HM13: variants seen among roughly 807,000 people sequenced by gnomAD.
HM13 encodes signal peptide peptidase.
A neutral mutation model predicts 50.0 loss-of-function variants in HM13; 18 were observed. That is an observed-to-expected ratio of 0.36 (90% CI 0.25 to 0.53). HM13 has a LOEUF of 0.53. Ranked by LOEUF, HM13 falls within the 20% of genes least tolerant of loss-of-function variation. HM13 has a pLI of 0.90. For missense variants in HM13, 393 were observed against 552.4 expected, an observed-to-expected ratio of 0.71 and a Z score of 2.89; for synonymous variants, 197 against 232.6, an observed-to-expected ratio of 0.85 and a Z score of 1.39.
At position 31,514,849 on chromosome 20, in the gene HM13, G is replaced by C. The variant is rs1172206523; in HGVS notation, c.183+115G>C. Reference sequence around the variant, plus strand: ...CCGGACACTGACTCTTCCCAGCCCTGATCACCACCGTTCCCTCTGTCTCGG... The same window carrying C: ...CCGGACACTGACTCTTCCCAGCCCTCATCACCACCGTTCCCTCTGTCTCGG... On this transcript the variant is annotated intron_variant, in intron 1 of 12. Coordinates refer to ENST00000398174, the MANE Select transcript of HM13 (RefSeq NM_178581.3). This position sits in a 1 kb window ranked among gnomAD's most constrained non-coding sequence, Gnocchi z 4.3. 1.9e-6 allele frequency: 2 copies of C among 1,033,908 alleles called. No homozygotes were observed. Among genetic ancestry groups the C allele is most frequent in the African/African-American group, 3.3e-5 (2 of 59,710 alleles). The allele number at this position is 1,033,908 out of a possible 1,614,324, so 64.0% of individuals were successfully genotyped here.
At chr20:31,555,361 T>C (rs1036125860) in intron 8 of HM13, among the ~76,000 whole-genome samples, 2 of 152,250 alleles carry the variant, frequency 1.3e-5, no homozygotes, top group Non-Finnish European at 2.9e-5. Flanking sequence ...GCACACCTGC[T>C]TATCTGCAGA....
chr20:31,553,380 C>T (rs1173207283), intron 7 of HM13, among the ~76,000 whole-genome samples: 1 of 151,922 alleles, frequency 6.6e-6, no homozygotes, highest in Admixed American at 6.6e-5. Context: ...TCCTGATTGG[C>T]TTAGTCTTGC....
chr20:31,543,970 A>T (rs1227636765), intron 3 of HM13, among the ~76,000 whole-genome samples: 1 of 151,566 alleles, frequency 6.6e-6, no homozygotes, highest in Non-Finnish European at 1.5e-5. Context: ...TCCCTTTATC[A>T]CTGTGACCTG....
At chr20:31,568,981 G>C in intron 12 of HM13, 139 bp from the exon 13 acceptor site, 1 of 614,280 alleles carries the variant, frequency 1.6e-6, no homozygotes, top group Non-Finnish European at 2.9e-6. Context: ...GTTAGGTGCT[G>C]GGCAGTGGAC....
At chr20:31,532,078 A>G (rs1352840521) in intron 2 of HM13, among the ~76,000 whole-genome samples, 1 of 152,102 alleles carries the variant, frequency 6.6e-6, no homozygotes, top group African/African-American at 2.4e-5. Context: ...TGCACTAAAT[A>G]ACATTGGCTA....
intron 11 of HM13, among the ~76,000 whole-genome samples, chr20:31,567,480 T>C (rs972374804): frequency 6.6e-6 from 1 of 152,036 alleles, no homozygotes; most frequent in South Asian, 2.1e-4. Flanking sequence ...ACCCTGGACA[T>C]TCTTAGATTG....
chr20:31,545,267 T>G (rs1476555075), intron 4 of HM13, among the ~76,000 whole-genome samples: 1 of 152,198 alleles, frequency 6.6e-6, no homozygotes, highest in East Asian at 1.9e-4. Flanking sequence ...TTCCCATCTG[T>G]AAAATGAAAG....
chr20:31,551,469 C>T (rs1309085490), intron 7 of HM13, among the ~76,000 whole-genome samples: 1 of 152,230 alleles, frequency 6.6e-6, no homozygotes, highest in East Asian at 1.9e-4. Context: ...GTCTCCTGTG[C>T]AGTCTCCCTC....
chr20:31,522,178 CCA>C (rs1982203838), intron 1 of HM13, among the ~76,000 whole-genome samples: 1 of 152,160 alleles, frequency 6.6e-6, no homozygotes, highest in Non-Finnish European at 1.5e-5. Context: ...GTAGGTGAAG[CCA>C]CAGAGTCCTG....
At position 31,568,115 on chromosome 20, in the gene HM13, A is replaced by G. The variant is rs1211918719; in HGVS notation, c.1072A>G (p.Arg358Gly). The change falls in exon 12 of 13, where the codon AGG becomes GGG. Residue 358 changes from arginine (R) to glycine (G), a missense_variant. By Grantham distance (125) the Arg-to-Gly change is moderately radical. Around this residue, in one of 3 missense-constraint regions of HM13, gnomAD observed 105 missense variants for 115.9 expected, o/e 0.91. Transcript: ENST00000398174. The part of the protein sequence containing the change: ...SSAEILPHTP[R>G]LTHFPTVSGS... ...GGCGGAAATCCTGCCTCATACCCCG[A>G]GGCTCACCCACTTCCCCACAGTCTC... is the stretch of plus-strand genomic sequence containing the variant. The G allele has an allele frequency of 3.1e-6, 5 of 1,612,784 alleles. No individual in the cohort carries two copies. In the Admixed American group the frequency reaches 8.3e-5, roughly 27 times the overall value.
intron 1 of HM13, among the ~76,000 whole-genome samples, chr20:31,517,122 A>G (rs1981837211): frequency 6.6e-6 from 1 of 152,088 alleles, no homozygotes; most frequent in Non-Finnish European, 1.5e-5. Context: ...TGTGAAAAGG[A>G]GAGAGAAGAG....
At chr20:31,527,765 A>G (rs1052660215) in intron 2 of HM13, among the ~76,000 whole-genome samples, 183 bp downstream of exon 2, 1 of 151,914 alleles carries the variant, frequency 6.6e-6, no homozygotes, top group Admixed American at 6.6e-5. Context: ...ACCCTTTCTC[A>G]CTAGTCCGTA....
rs1375082331 is a variant in HM13, at chr20:31,565,099, G to A, written c.949-1111G>A. Among the ~76,000 whole-genome samples, 6 of 150,428 alleles carry A rather than the reference G, an allele frequency of 4.0e-5. No homozygotes were observed. The East Asian group carries it at 1.2e-3, about 29-fold the overall frequency. On this transcript the variant is annotated intron_variant, in intron 10 of 12. Transcript: ENST00000398174. ...AAGAATGGTGTGAACCTGGGAGGCA[G>A]AGCTTGCAGTGAGCCAAGATCACAC...
In HM13 at chr20:31,514,492, C is replaced by T. The variant is rs1377942118; in HGVS notation, c.-60C>T. The T allele has an allele frequency of 1.3e-6, 2 of 1,543,312 alleles. No homozygotes were observed. The highest frequency in any genetic ancestry group is 2.7e-5 in the African/African-American group (2 of 73,578). On this transcript the variant is annotated 5_prime_UTR_variant, in exon 1 of 13. Transcript: ENST00000398174. The surrounding 1 kb of genome is among the most constrained non-coding windows in gnomAD (Gnocchi z 4.3). ...GGCTTTCCCTGCAGAGCCGGTGTCT[C>T]CGCCTGCGTCCCTGCTGCAGCAACC... is the stretch of plus-strand genomic sequence containing the variant.
chr20:31,523,212 G>A (rs573639771), intron 1 of HM13, among the ~76,000 whole-genome samples: 8 of 151,382 alleles, frequency 5.3e-5, no homozygotes, highest in Non-Finnish European at 7.4e-5. Context: ...TATCACACCC[G>A]GCTAATTTTT....
chr20:31,558,985 C>G (rs1984464249), intron 8 of HM13, among the ~76,000 whole-genome samples: 1 of 152,188 alleles, frequency 6.6e-6, no homozygotes, highest in Non-Finnish European at 1.5e-5. Context: ...GTGGCGCGAT[C>G]TTGGCTCACT....
rs756183196 is a variant in HM13 at position 31,554,817 on chromosome 20, G to A, written c.796G>A (p.Val266Ile). Residue 266 changes from valine to isoleucine, a missense_variant, in exon 8 of 13, where the codon GTC becomes ATC. Physicochemically the swap from Val to Ile is conservative, Grantham distance 29. Around this residue, in one of 3 missense-constraint regions of HM13, gnomAD observed 74 missense variants for 160.4 expected, o/e 0.46. Transcript: ENST00000398174. ...CTTTGCCATGCTGGGACTTGGAGAT[G>A]TCGTCATTCCAGGTGAGCCTGCTGG... ...NNFAMLGLGD[V>I]VIPGIFIALL... 32 of 1,613,856 alleles carry A rather than the reference G, an allele frequency of 2.0e-5. No homozygotes were observed. Among genetic ancestry groups the A allele is most frequent in the Middle Eastern group, 3.3e-4 (2 of 6,072 alleles).
At chr20:31,525,719 C>A (rs1982442870) in intron 1 of HM13, among the ~76,000 whole-genome samples, 1 of 151,388 alleles carries the variant, frequency 6.6e-6, no homozygotes, top group Non-Finnish European at 1.5e-5. Context: ...CCACTGTGAT[C>A]CTGGAAGCTT....
intron 12 of HM13, among the ~76,000 whole-genome samples, chr20:31,568,568 C>T (rs942726968): frequency 2.6e-5 from 4 of 152,310 alleles, no homozygotes; most frequent in Middle Eastern, 3.4e-3. Context: ...TCCTGCCTCA[C>T]GGGGTTTATC....
Sources: gnomAD v4.1 joint callset for allele counts (sites outside exome capture counted in the v4.1 genomes callset) on GRCh38, gnomAD v4.1.1 for gene constraint, gnomAD v4.1.1 regional missense constraint, Gnocchi (gnomAD v3.1) non-coding constraint, MANE v1.5 for transcripts, NCBI Gene and HGNC (gene_info 2026-07-23, HGNC 2026-07-21) for gene names.